Variants in NREP observed in about 807,000 individuals in gnomAD.
The protein encoded by NREP is neuronal regeneration-related protein.
NREP carries 5 observed loss-of-function variants against 8.6 expected under a neutral mutation model. The observed-to-expected ratio is 0.58, with a 90% CI of 0.30 to 1.22. The LOEUF (loss-of-function observed/expected upper bound fraction) is 1.22. Among genes scored for constraint, NREP ranks in the 50% most tolerant of loss-of-function variants. The pLI is 0.07. For synonymous variants in NREP, 27 were observed against 28.0 expected (o/e 0.96, Z 0.11); for missense variants, 86 against 82.5 (o/e 1.04, Z -0.17).
Position 111,891,896 on chromosome 5 carries a change from G to A in NREP, c.135+83378C>T, listed in dbSNP as rs544438234. The stretch of plus-strand genomic sequence containing the variant: ...TCCCCTCAAGCCCCACTTCCAACTC[G>A]GGATTACATTTCAGCATGAGATTCT... On this transcript the variant is annotated intron_variant, in intron 2 of 3. Coordinates refer to the NREP transcript ENST00000395634. Among the ~76,000 whole-genome samples, 60 of 152,210 alleles carry A rather than the reference G, an allele frequency of 3.9e-4. No homozygotes were observed. The South Asian group carries it at 0.011, about 27-fold the overall frequency.
chr5:111,884,504 A>T (rs201533290), intron 2 of NREP, among the ~76,000 whole-genome samples: 3 of 152,060 alleles, frequency 2.0e-5, no homozygotes, highest in East Asian at 1.9e-4. Context: ...TACCAAAGCC[A>T]GGCAGAGACA....
chr5:111,788,942 A>G (rs767243726), intron 2 of NREP, among the ~76,000 whole-genome samples: 1 of 152,210 alleles, frequency 6.6e-6, no homozygotes, highest in Non-Finnish European at 1.5e-5. Flanking sequence ...CTTCTGCCTA[A>G]TAGTCTTTGA....
rs1186439919 is a variant in NREP, at chr5:111,830,153, G to GT, written c.136-94647dup. Among the ~76,000 whole-genome samples the GT allele has an allele frequency of 3.5e-3, 525 of 150,678 alleles. 2 individuals carry two copies. The highest frequency in any genetic ancestry group is 0.012 in the African/African-American group (497 of 40,444). ...CTTAAAATGTTAGGAGTTTTCAGCTGTTTTTTTTGTTGTTGTTGTTGTTCA... is the reference window on the plus strand; with the variant it reads ...CTTAAAATGTTAGGAGTTTTCAGCTGTTTTTTTTTGTTGTTGTTGTTGTTCA... On this transcript the variant is annotated intron_variant, in intron 2 of 3. Coordinates refer to the NREP transcript ENST00000395634.
intron 2 of NREP, among the ~76,000 whole-genome samples, chr5:111,942,364 C>T (rs1442062907): frequency 4.6e-5 from 7 of 152,050 alleles, no homozygotes; most frequent in Non-Finnish European, 8.8e-5. Flanking sequence ...GTCATGGTCA[C>T]ATGTGATGCA....
At chr5:111,795,400 C>T (rs191505622) in intron 2 of NREP, among the ~76,000 whole-genome samples, 9 of 152,286 alleles carry the variant, frequency 5.9e-5, no homozygotes, top group Non-Finnish European at 1.3e-4. Flanking sequence ...CATCATTTGG[C>T]AAACTCAAGC....
intron 2 of NREP, among the ~76,000 whole-genome samples, chr5:111,851,721 G>T (rs1753314819): frequency 6.6e-6 from 1 of 152,044 alleles, no homozygotes; most frequent in African/African-American, 2.4e-5. Flanking sequence ...GTGCAACATG[G>T]TGACTATAGT....
chr5:111,956,605 A>ATAT (rs983325769), intron 2 of NREP, among the ~76,000 whole-genome samples: 1 of 152,160 alleles, frequency 6.6e-6, no homozygotes, highest in Non-Finnish European at 1.5e-5. Flanking sequence ...AGTAAAAACA[A>ATAT]TATTTTTTAA....
intron 2 of NREP, among the ~76,000 whole-genome samples, chr5:111,888,402 T>C (rs1230769679): frequency 6.6e-6 from 1 of 151,908 alleles, no homozygotes; most frequent in Non-Finnish European, 1.5e-5. Flanking sequence ...CAAGGCAACT[T>C]CTTCACAGGG....
At chr5:111,797,491 T>C (rs1224790272) in intron 2 of NREP, among the ~76,000 whole-genome samples, 2 of 152,200 alleles carry the variant, frequency 1.3e-5, no homozygotes, top group African/African-American at 4.8e-5. Context: ...TGATTTGTCT[T>C]CCCTTGATTT....
At chr5:111,785,120 C>T (rs904098014) in intron 2 of NREP, among the ~76,000 whole-genome samples, 1 of 152,170 alleles carries the variant, frequency 6.6e-6, no homozygotes, top group Non-Finnish European at 1.5e-5. Flanking sequence ...GGAAGTCTTC[C>T]AAGCGCCAAT....
chr5:111,947,627 G>T (rs1009839726), intron 2 of NREP, among the ~76,000 whole-genome samples: 1 of 151,866 alleles, frequency 6.6e-6, no homozygotes, highest in Non-Finnish European at 1.5e-5. Flanking sequence ...AACTAAATTA[G>T]AAAGAGAAAT....
At chr5:111,831,231 G>A (rs1267717579) in intron 2 of NREP, among the ~76,000 whole-genome samples, 1 of 151,968 alleles carries the variant, frequency 6.6e-6, no homozygotes, top group African/African-American at 2.4e-5. Context: ...CATCCCTTTT[G>A]GAAGTACCAA....
chr5:111,765,236 T>C (rs1751052812), intron 2 of NREP, among the ~76,000 whole-genome samples: 1 of 152,088 alleles, frequency 6.6e-6, no homozygotes, highest in South Asian at 2.1e-4. Context: ...GGGTTCACAG[T>C]CCTATGAGAA....
chr5:111,753,889 T>TAA (rs914008626), intron 2 of NREP, among the ~76,000 whole-genome samples: 1 of 143,078 alleles, frequency 7.0e-6, no homozygotes, highest in Non-Finnish European at 1.5e-5. Context: ...TATCACTTCT[T>TAA]AAAAAAAAAA....
At chr5:111,834,804 C>T (rs995720402) in intron 2 of NREP, among the ~76,000 whole-genome samples, 3 of 152,026 alleles carry the variant, frequency 2.0e-5, no homozygotes, top group East Asian at 1.9e-4. Context: ...AATTTTTCCC[C>T]CCAGTTCTTA....
intron 2 of NREP, among the ~76,000 whole-genome samples, chr5:111,944,116 C>T (rs977817686): frequency 6.6e-6 from 1 of 151,942 alleles, no homozygotes; most frequent in Admixed American, 6.6e-5. Flanking sequence ...TTCCAAAAGT[C>T]TTCTTAGTAT....
intron 2 of NREP, among the ~76,000 whole-genome samples, chr5:111,914,898 G>A (rs1755012430): frequency 6.6e-6 from 1 of 152,114 alleles, no homozygotes; most frequent in Non-Finnish European, 1.5e-5. Context: ...CTTTCAGGAA[G>A]AGATTTTTCC....
intron 2 of NREP, among the ~76,000 whole-genome samples, chr5:111,948,488 C>A (rs1263066537): frequency 6.6e-6 from 1 of 152,072 alleles, no homozygotes; most frequent in East Asian, 1.9e-4. Context: ...TATCTACAGG[C>A]TAGAATCTAT....
chr5:111,898,250 C>T (rs941008588), intron 2 of NREP, among the ~76,000 whole-genome samples: 4 of 151,952 alleles, frequency 2.6e-5, no homozygotes, highest in African/African-American at 7.3e-5. Context: ...GAGGCGATTG[C>T]AGTAATAAAG....
Sources: allele counts gnomAD v4.1 joint callset (sites outside exome capture counted in the v4.1 genomes callset), GRCh38; gene constraint gnomAD v4.1.1; transcripts MANE v1.5; gene names NCBI Gene and HGNC (gene_info 2026-07-23, HGNC 2026-07-21).